CSMD1: variants seen among roughly 807,000 people sequenced by gnomAD.
The protein encoded by CSMD1 is CUB and Sushi multiple domains 1, also known as CUB and sushi domain-containing protein 1.
A neutral mutation model predicts 417.5 loss-of-function variants in CSMD1; 213 were observed. The observed-to-expected ratio is 0.51, with a 90% CI of 0.46 to 0.57. CSMD1 has a LOEUF of 0.57. Ranked by LOEUF, CSMD1 falls within the 20% of genes least tolerant of loss-of-function variation. CSMD1 has a pLI of 0.00. For synonymous variants in CSMD1, 2,862 were observed against 1,736.8 expected (o/e 1.65, Z -16.11); for missense variants, 6,923 against 4,529.7 (o/e 1.53, Z -15.17).
intron 3 of CSMD1, among the ~76,000 whole-genome samples, chr8:4,313,314 G>C (rs1192101430): frequency 6.6e-6 from 1 of 151,920 alleles, no homozygotes; most frequent in Non-Finnish European, 1.5e-5. Flanking sequence ...AGCTAGCTGA[G>C]TCCCTAGAGA....
intron 1 of CSMD1, among the ~76,000 whole-genome samples, chr8:4,647,019 C>T (rs987777904): frequency 3.9e-5 from 6 of 152,138 alleles, no homozygotes; most frequent in South Asian, 2.1e-4. Context: ...GGTGCTGACA[C>T]GGCCCTCCTC....
intron 3 of CSMD1, among the ~76,000 whole-genome samples, chr8:4,326,289 C>G (rs948061884): frequency 1.1e-4 from 17 of 152,066 alleles, no homozygotes; most frequent in African/African-American, 3.6e-4. Context: ...GAGACTCAGA[C>G]ATAGCAAGGA....
intron 37 of CSMD1, among the ~76,000 whole-genome samples, chr8:3,176,613 C>A (rs1409133591): frequency 2.0e-5 from 3 of 152,074 alleles, no homozygotes; most frequent in Admixed American, 6.6e-5. Flanking sequence ...TGCAAAAATC[C>A]CATCCACTTG....
intron 23 of CSMD1, among the ~76,000 whole-genome samples, chr8:3,325,784 A>G (rs773863704): frequency 2.0e-5 from 3 of 152,208 alleles, no homozygotes; most frequent in Non-Finnish European, 4.4e-5. Flanking sequence ...AGACTGTACC[A>G]CTGCACTCCA....
intron 10 of CSMD1, among the ~76,000 whole-genome samples, chr8:3,509,184 G>A (rs756999367): frequency 2.6e-5 from 4 of 152,176 alleles, no homozygotes; most frequent in Non-Finnish European, 5.9e-5. Context: ...TCAAGAAAGT[G>A]ATTGGTTTCG....
Position 3,496,232 on chromosome 8 carries a change from G to T in CSMD1, c.1345-2506C>A, listed in dbSNP as rs1055189350. ...CTCCCTCAGCTATGGCTCCACTGCC[G>T]ACTCTGTCCAAGAAAGCCAGTCTCT... On this transcript the variant is annotated intron_variant, in intron 10 of 69. Transcript: ENST00000635120. 2.0e-5 allele frequency among the ~76,000 whole-genome samples: 3 copies of T among 152,194 alleles called. No homozygotes were observed. In the East Asian group the frequency reaches 5.8e-4, roughly 29 times the overall value.
At chr8:3,065,922 G>C (rs1446610801) in intron 49 of CSMD1, among the ~76,000 whole-genome samples, 5 of 152,088 alleles carry the variant, frequency 3.3e-5, no homozygotes, top group African/African-American at 4.8e-5. Context: ...CAGCTTTGAG[G>C]TTATCACCCA....
intron 3 of CSMD1, among the ~76,000 whole-genome samples, chr8:4,073,018 C>T (rs975846700): frequency 1.3e-5 from 2 of 152,142 alleles, no homozygotes; most frequent in Non-Finnish European, 1.5e-5. Context: ...TAAGGACCAA[C>T]CCAATTATCA....
At chr8:3,463,708 C>T (rs4875711) in intron 12 of CSMD1, among the ~76,000 whole-genome samples, 3,618 of 152,230 alleles carry the variant, frequency 0.024, 215 homozygotes, top group East Asian at 0.17. Context: ...AGAAGACGGG[C>T]GAGACTGGGC....
intron 2 of CSMD1, among the ~76,000 whole-genome samples, chr8:4,422,857 G>T (rs895732438): frequency 5.9e-5 from 9 of 152,176 alleles, no homozygotes; most frequent in Admixed American, 5.9e-4. Flanking sequence ...TTAGAGGAAT[G>T]TTAGAAAGGT....
intron 3 of CSMD1, among the ~76,000 whole-genome samples, chr8:4,333,068 A>G (rs1799966718): frequency 6.6e-6 from 1 of 152,120 alleles, no homozygotes; most frequent in Non-Finnish European, 1.5e-5. Context: ...AGCGTTTCAT[A>G]GAAATACTAC....
intron 5 of CSMD1, among the ~76,000 whole-genome samples, chr8:3,779,848 A>G (rs1033844837): frequency 6.6e-6 from 1 of 152,224 alleles, no homozygotes; most frequent in African/African-American, 2.4e-5. Context: ...ATAGTTGTTT[A>G]AGGTGTTCTT....
chr8:4,029,011 G>A (rs925019428), intron 4 of CSMD1, among the ~76,000 whole-genome samples: 5 of 152,136 alleles, frequency 3.3e-5, no homozygotes, highest in African/African-American at 4.8e-5. Context: ...TATGACAACG[G>A]CACTTGGGAG....
intron 36 of CSMD1, among the ~76,000 whole-genome samples, chr8:3,185,126 G>C (rs1821665342): frequency 6.6e-6 from 1 of 152,210 alleles, no homozygotes; most frequent in Non-Finnish European, 1.5e-5. Flanking sequence ...CAGAGTGCAG[G>C]TGGCCTGGGA....
intron 26 of CSMD1, among the ~76,000 whole-genome samples, chr8:3,236,062 C>T (rs993024311): frequency 8.6e-5 from 13 of 151,460 alleles, no homozygotes; most frequent in African/African-American, 2.2e-4. Flanking sequence ...GGACTACAGG[C>T]GCCTACCACC....
chr8:3,189,140 CACTTTT>C, intron 34 of CSMD1, 129 bp from the exon 35 acceptor site: 1 of 762,018 alleles, frequency 1.3e-6, no homozygotes, highest in Non-Finnish European at 2.0e-6. Context: ...CGTTAAACGG[CACTTTT>C]AGCCAAGGTA....
intron 49 of CSMD1, among the ~76,000 whole-genome samples, chr8:3,080,964 A>T (rs543869248): frequency 3.9e-5 from 6 of 152,226 alleles, no homozygotes; most frequent in Non-Finnish European, 5.9e-5. Context: ...AATAGAAGAC[A>T]ACAAAAGCCA....
At chr8:2,941,890 G>A (rs1335958292) in intron 69 of CSMD1, among the ~76,000 whole-genome samples, 2 of 152,128 alleles carry the variant, frequency 1.3e-5, no homozygotes, top group Non-Finnish European at 2.9e-5. Flanking sequence ...GGTTCTCATC[G>A]TTGGCCATGG....
At chr8:4,397,982 G>T (rs1228151855) in intron 3 of CSMD1, among the ~76,000 whole-genome samples, 1 of 152,130 alleles carries the variant, frequency 6.6e-6, no homozygotes, top group African/African-American at 2.4e-5. Context: ...AAAAGACTTA[G>T]ATGATTTTTA....
Sources: allele counts gnomAD v4.1 joint callset (sites outside exome capture counted in the v4.1 genomes callset), GRCh38; gene constraint gnomAD v4.1.1; transcripts MANE v1.5; gene names NCBI Gene and HGNC (gene_info 2026-07-23, HGNC 2026-07-21).